PDE1C: variants seen among roughly 807,000 people sequenced by gnomAD.
PDE1C encodes the protein phosphodiesterase 1C.
Under a neutral mutation model 93.1 loss-of-function variants are expected in PDE1C, and 62 were observed. The ratio of observed to expected loss-of-function variants is 0.67; its 90% CI spans 0.54 to 0.82. PDE1C has a LOEUF of 0.82. Among genes scored for constraint, PDE1C ranks in the 40% least tolerant of loss-of-function variants. The pLI, the probability that PDE1C is intolerant of heterozygous loss-of-function variation, is 0.00. For synonymous variants in PDE1C, 325 were observed against 310.1 expected, an observed-to-expected ratio of 1.05 and a Z score of -0.50; for missense variants, 742 against 884.6, an observed-to-expected ratio of 0.84 and a Z score of 2.04.
chr7:32,085,124 A>C (rs1022390964), intron 3 of PDE1C, among the ~76,000 whole-genome samples: 1 of 151,276 alleles, frequency 6.6e-6, no homozygotes, highest in Non-Finnish European at 1.5e-5. Context: ...ATAAAGAAAA[A>C]AAGAGAGAAG....
At chr7:31,682,163 C>G in the PDE1C span, among the ~76,000 whole-genome samples, 1 of 152,142 alleles carries the variant, frequency 6.6e-6, no homozygotes, top group Non-Finnish European at 1.5e-5. Flanking sequence ...GAGAATTAAA[C>G]AAATAGGTAG....
chr7:31,862,822 C>T (rs1387529980), intron 7 of PDE1C, among the ~76,000 whole-genome samples: 2 of 152,168 alleles, frequency 1.3e-5, no homozygotes, highest in Non-Finnish European at 2.9e-5. Flanking sequence ...TTTTTTGAAA[C>T]TCTAATCAAT....
At chr7:31,929,329 A>G (rs1052099828) in intron 2 of PDE1C, among the ~76,000 whole-genome samples, 1 of 152,174 alleles carries the variant, frequency 6.6e-6, no homozygotes, top group Non-Finnish European at 1.5e-5. Context: ...ACTCCCACAC[A>G]ATAATAGTGG....
chr7:32,174,177 G>T (rs1369247684), intron 2 of PDE1C, among the ~76,000 whole-genome samples: 1 of 152,128 alleles, frequency 6.6e-6, no homozygotes, highest in African/African-American at 2.4e-5. Flanking sequence ...ACAGCAGCCT[G>T]TTTTCTTAAA....
chr7:32,394,332 A>G (rs1784803554), intron 1 of PDE1C, among the ~76,000 whole-genome samples: 1 of 152,202 alleles, frequency 6.6e-6, no homozygotes, highest in African/African-American at 2.4e-5. Flanking sequence ...GACTGCTGAT[A>G]TGGTTTAGAT....
chr7:32,296,877 A>G (rs1812631548), intron 1 of PDE1C, among the ~76,000 whole-genome samples: 1 of 152,224 alleles, frequency 6.6e-6, no homozygotes, highest in South Asian at 2.1e-4. Flanking sequence ...ACAGGGAAAG[A>G]TACATAAGCA....
chr7:31,895,899 T>A (rs1290556661), intron 2 of PDE1C, among the ~76,000 whole-genome samples: 1 of 152,138 alleles, frequency 6.6e-6, no homozygotes, highest in South Asian at 2.1e-4. Flanking sequence ...CATGTGGAAC[T>A]GTGAGTCCAT....
chr7:32,400,764 C>T (rs1308401044), intron 1 of PDE1C, among the ~76,000 whole-genome samples: 2 of 152,214 alleles, frequency 1.3e-5, no homozygotes, highest in Non-Finnish European at 2.9e-5. Context: ...CCATGAATGG[C>T]AAAACAGTGA....
chr7:32,167,982 G>T (rs574644629), intron 3 of PDE1C, among the ~76,000 whole-genome samples: 2 of 152,162 alleles, frequency 1.3e-5, no homozygotes, highest in South Asian at 4.2e-4. Flanking sequence ...CACAGTTAAG[G>T]ACAATTGCAG....
rs113447632 is a variant in PDE1C at position 32,271,510 on chromosome 7, G to C, written c.85+27141C>G. Reference sequence around the variant, plus strand: ...CGATCATATCCAAAATAGGAATAATGCTGTGAGTGGGTAGTTTTTACTAGA... The same window carrying C: ...CGATCATATCCAAAATAGGAATAATCCTGTGAGTGGGTAGTTTTTACTAGA... On this transcript the variant is annotated intron_variant, in intron 1 of 18. Transcript: ENST00000396193. 7.5e-3 allele frequency among the ~76,000 whole-genome samples: 1,145 copies of C among 152,264 alleles called. 26 individuals are homozygous for C. The highest frequency in any genetic ancestry group is 0.026 in the African/African-American group (1,091 of 41,544).
intron 2 of PDE1C, among the ~76,000 whole-genome samples, chr7:31,916,776 A>G (rs1287373632): frequency 3.9e-5 from 6 of 152,166 alleles, no homozygotes; most frequent in Admixed American, 3.9e-4. Context: ...AAATTATGAT[A>G]AGTGTGAAGC....
chr7:31,964,324 T>G lies in PDE1C; in HGVS notation c.129-83464A>C, dbSNP rs13234754. 3.3e-5 allele frequency among the ~76,000 whole-genome samples: 5 copies of G among 152,100 alleles called. No homozygotes were observed. The South Asian group carries it at 8.3e-4, about 25-fold the overall frequency. On this transcript the variant is annotated intron_variant, in intron 2 of 17. Coordinates refer to ENST00000396191, the MANE Select transcript of PDE1C (RefSeq NM_001191057.4). ...AGGAGATTATACCCCACACCTGGCT[T>G]GGAGGGTCCTATGCCCACGGAGCCT... is the stretch of plus-strand genomic sequence containing the variant.
intron 2 of PDE1C, among the ~76,000 whole-genome samples, chr7:31,946,809 C>G (rs73686845): frequency 1.3e-5 from 2 of 152,168 alleles, no homozygotes; most frequent in Non-Finnish European, 2.9e-5. Context: ...CCCCCATGGC[C>G]TGGTGTTGGG....
chr7:32,108,722 T>C (rs2128754084), intron 3 of PDE1C, among the ~76,000 whole-genome samples: 1 of 152,318 alleles, frequency 6.6e-6, no homozygotes, highest in African/African-American at 2.4e-5. Context: ...TGTTCATGAT[T>C]TGGAAAATCT....
the PDE1C span, among the ~76,000 whole-genome samples, chr7:31,618,706 G>A: frequency 6.6e-6 from 1 of 152,172 alleles, no homozygotes; most frequent in Admixed American, 6.5e-5. Context: ...TAGCTTATGA[G>A]TGAGGAAACC....
At chr7:31,720,283 C>T in the PDE1C span, among the ~76,000 whole-genome samples, 1 of 152,054 alleles carries the variant, frequency 6.6e-6, no homozygotes, top group Non-Finnish European at 1.5e-5. Context: ...CACCTTACCG[C>T]CCCCCTCAAC....
chr7:32,001,014 G>A (rs1030864282), intron 2 of PDE1C, among the ~76,000 whole-genome samples: 1 of 151,958 alleles, frequency 6.6e-6, no homozygotes, highest in Non-Finnish European at 1.5e-5. Context: ...GTGTGTGTGT[G>A]TGTATGTATG....
At chr7:32,088,190 A>G (rs1797235996) in intron 3 of PDE1C, among the ~76,000 whole-genome samples, 2 of 152,154 alleles carry the variant, frequency 1.3e-5, no homozygotes, top group African/African-American at 4.8e-5. Flanking sequence ...AATCACTTAA[A>G]ACATGAAGAA....
In PDE1C at chr7:32,121,887, T is replaced by C. The variant is rs909095117; in HGVS notation, c.308+47898A>G. ...CACATAATAATACTAACCTTAAATA[T>C]AAATGGGCTAAATGCCCCCAATTAA... On this transcript the variant is annotated intron_variant, in intron 3 of 18. Coordinates refer to the PDE1C transcript ENST00000396193. 3.3e-5 allele frequency among the ~76,000 whole-genome samples: 5 copies of C among 152,274 alleles called. No homozygotes were observed. In the East Asian group the frequency reaches 9.7e-4, roughly 29 times the overall value.
Sources: gnomAD v4.1 joint callset for allele counts (sites outside exome capture counted in the v4.1 genomes callset) on GRCh38, gnomAD v4.1.1 for gene constraint, MANE v1.5 for transcripts, NCBI Gene and HGNC (gene_info 2026-07-23, HGNC 2026-07-21) for gene names.